Variants in PTPRU observed in about 807,000 individuals in gnomAD.
PTPRU encodes the protein protein tyrosine phosphatase receptor type U.
PTPRU carries 69 observed loss-of-function variants against 166.3 expected under a neutral mutation model. The ratio of observed to expected loss-of-function variants is 0.41; its 90% CI spans 0.34 to 0.51. The LOEUF (loss-of-function observed/expected upper bound fraction) is 0.51. PTPRU is among the 20% of genes least tolerant of loss of function. The pLI is 0.09. For missense variants in PTPRU, 1,657 were observed against 2,013.7 expected, an observed-to-expected ratio of 0.82 and a Z score of 3.39; for synonymous variants, 793 against 814.0, an observed-to-expected ratio of 0.97 and a Z score of 0.44.
At position 29,311,859 on chromosome 1, in the gene PTPRU, G is replaced by T; in HGVS notation, c.3072+100G>T. ...CCCTGGGAGCAGGAGGGTGAGGAGC[G>T]CACCACTGCCCATCCCAGCAAGGAA... On this transcript the variant is annotated intron_variant, in intron 21 of 29. Transcript: ENST00000373779. The surrounding 1 kb of genome is among the most constrained non-coding windows in gnomAD (Gnocchi z 4.1). 8.6e-7 allele frequency: 1 copy of T among 1,166,980 alleles called. No homozygotes were observed. The highest frequency in any genetic ancestry group is 1.4e-5 in the South Asian group (1 of 71,262). 72.3% of individuals were successfully genotyped at this position (1,166,980 alleles called of 1,614,324 possible). A position where few individuals can be genotyped will look rare whatever the true frequency, so the allele number is the denominator to read the frequency against.
chr1:29,268,517 A>G (rs1481647085), intron 7 of PTPRU, among the ~76,000 whole-genome samples: 1 of 152,234 alleles, frequency 6.6e-6, no homozygotes, highest in East Asian at 1.9e-4. Context: ...CATAGTGCTG[A>G]GGTTGAGAAT....
rs1442770263 is a variant in PTPRU at position 29,238,186 on chromosome 1, G to C, written c.73+1469G>C. Among the ~76,000 whole-genome samples the C allele has an allele frequency of 6.6e-6, 1 of 151,734 alleles. No individual in the cohort carries two copies. The highest frequency in any genetic ancestry group is 1.9e-4 in the East Asian group (1 of 5,140). On this transcript the variant is annotated intron_variant, in intron 1 of 29. Transcript: ENST00000373779. This position sits in a 1 kb window ranked among gnomAD's most constrained non-coding sequence, Gnocchi z 6.1. ...GGTGTGCGTGCGCGTGTGTGTGTGC[G>C]CGCAGCTGAATGTATGTATACGGAG...
chr1:29,269,015 C>A (rs1685420727), intron 7 of PTPRU, among the ~76,000 whole-genome samples: 2 of 151,972 alleles, frequency 1.3e-5, no homozygotes, highest in African/African-American at 4.8e-5. Flanking sequence ...CTTGATTTCT[C>A]ATCCAGTGTT....
intron 1 of PTPRU, among the ~76,000 whole-genome samples, chr1:29,245,744 T>C (rs1358583148): frequency 6.6e-6 from 1 of 152,200 alleles, no homozygotes; most frequent in African/African-American, 2.4e-5. Flanking sequence ...TGGATGTCAG[T>C]GTTGCATTGG....
intron 15 of PTPRU, among the ~76,000 whole-genome samples, chr1:29,302,066 A>C (rs1176029136): frequency 6.6e-6 from 1 of 151,954 alleles, no homozygotes; most frequent in East Asian, 1.9e-4. Context: ...TATTGCCCCT[A>C]AAGACCTCCC....
intron 7 of PTPRU, among the ~76,000 whole-genome samples, chr1:29,272,365 T>C (rs1574642853): frequency 6.6e-6 from 1 of 152,108 alleles, no homozygotes; most frequent in Admixed American, 6.5e-5. Flanking sequence ...AGGCAGGCTT[T>C]GTTCCTAGTG....
chr1:29,263,411 C>G (rs1231858788), intron 7 of PTPRU, among the ~76,000 whole-genome samples: 2 of 152,170 alleles, frequency 1.3e-5, no homozygotes, highest in Non-Finnish European at 2.9e-5. Flanking sequence ...TGTCATTCAT[C>G]AGTTGATGGA....
In PTPRU at chr1:29,238,585, A is replaced by T. The variant is rs987756992; in HGVS notation, c.73+1868A>T. ...CCAGCGTTCGCGCCGGCCACTGGCC[A>T]GCGCTTGGGCCTCGCCCTGCAGCTC... On this transcript the variant is annotated intron_variant, in intron 1 of 29. Coordinates refer to ENST00000373779, the MANE Select transcript of PTPRU (RefSeq NM_133178.4). The surrounding 1 kb of genome is among the most constrained non-coding windows in gnomAD (Gnocchi z 6.1). Among the ~76,000 whole-genome samples the T allele has an allele frequency of 6.6e-6, 1 of 152,164 alleles. No homozygotes were observed. The highest frequency in any genetic ancestry group is 2.4e-5 in the African/African-American group (1 of 41,442).
chr1:29,279,394 G>T lies in PTPRU; in HGVS notation c.1564-62G>T. ...ACTTCCCTGGGACATGGTGGGTGGA[G>T]GCTGCTGGTCAGGGATGCTCTGACC... On this transcript the variant is annotated intron_variant, in intron 9 of 29. Transcript: ENST00000373779. The surrounding 1 kb of genome is among the most constrained non-coding windows in gnomAD (Gnocchi z 5.2). The T allele has an allele frequency of 6.6e-7, 1 of 1,519,540 alleles. No homozygotes were observed. Among genetic ancestry groups the T allele is most frequent in the Non-Finnish European group, 9.1e-7 (1 of 1,095,404 alleles). 94.1% of individuals were successfully genotyped at this position (1,519,540 alleles called of 1,614,324 possible).
intron 25 of PTPRU, among the ~76,000 whole-genome samples, chr1:29,318,986 C>T (rs1688026230): frequency 6.6e-6 from 1 of 152,200 alleles, no homozygotes; most frequent in African/African-American, 2.4e-5. Flanking sequence ...CTTGGCAGGA[C>T]AGTGCGGGGG....
intron 7 of PTPRU, among the ~76,000 whole-genome samples, chr1:29,274,990 C>T (rs926845456): frequency 6.8e-6 from 1 of 147,622 alleles, no homozygotes; most frequent in Non-Finnish European, 1.5e-5. Context: ...GCAGAGGTTG[C>T]AGTGAGCCTA....
intron 7 of PTPRU, among the ~76,000 whole-genome samples, chr1:29,265,620 C>T (rs1045028542): frequency 2.0e-5 from 3 of 152,142 alleles, no homozygotes; most frequent in Non-Finnish European, 4.4e-5. Context: ...GCCTCAGCCT[C>T]CCAAAATGCT....
At chr1:29,255,832 A>G (rs1478424109) in intron 2 of PTPRU, among the ~76,000 whole-genome samples, 1 of 152,022 alleles carries the variant, frequency 6.6e-6, no homozygotes, top group Non-Finnish European at 1.5e-5. Context: ...TGTGTATAAA[A>G]CCTTCCTTCC....
chr1:29,319,018 G>C (rs1290481703), intron 25 of PTPRU, among the ~76,000 whole-genome samples: 1 of 152,146 alleles, frequency 6.6e-6, no homozygotes, highest in Non-Finnish European at 1.5e-5. Context: ...TCTTTAAAGA[G>C]GGTAACCACC....
Position 29,303,909 on chromosome 1 carries a change from C to T in PTPRU, c.2531C>T (p.Pro844Leu), listed in dbSNP as rs559788899. 37 of 1,613,770 alleles carry T rather than the reference C, an allele frequency of 2.3e-5. No individual in the cohort carries two copies. Among genetic ancestry groups the T allele is most frequent in the African/African-American group, 4.0e-5 (3 of 75,050 alleles). Residue 844 changes from proline (P) to leucine (L), a missense_variant, in exon 16 of 30, where the codon CCG becomes CTG. By Grantham distance (98) the Pro-to-Leu change is moderately conservative. Transcript: ENST00000373779. ...TEASSLLGGS[P>L]RRPCGRKGSP... is the part of the protein sequence containing the mutation. ...GCCAGCAGCCTCCTGGGGGGCTCCC[C>T]GAGGCGTCCCTGTGGCCGGAAGGGC...
chr1:29,286,936 C>T (rs1384443517), intron 14 of PTPRU, among the ~76,000 whole-genome samples: 1 of 152,196 alleles, frequency 6.6e-6, no homozygotes, highest in Non-Finnish European at 1.5e-5. Flanking sequence ...ACTGCATGCC[C>T]CTGGATCTGA....
In PTPRU at chr1:29,311,336, GC is replaced by G; in HGVS notation, c.2858-115del. 1 of 881,818 alleles carries G rather than the reference GC, an allele frequency of 1.1e-6. No individual in the cohort carries two copies. The highest frequency in any genetic ancestry group is 1.8e-6 in the Non-Finnish European group (1 of 566,808). 54.6% of individuals were successfully genotyped at this position (881,818 alleles called of 1,614,324 possible). ...AGCTGGGTGTTGTGGGCAGCATGAAGCCCCCGTTGGGGCTCAGGAGGCCTCC... is the reference window on the plus strand; with the variant it reads ...AGCTGGGTGTTGTGGGCAGCATGAAGCCCCGTTGGGGCTCAGGAGGCCTCC... On this transcript the variant is annotated intron_variant, in intron 19 of 29. Transcript: ENST00000373779. The surrounding 1 kb of genome is among the most constrained non-coding windows in gnomAD (Gnocchi z 4.1).
chr1:29,288,564 T>C (rs1461962731), intron 14 of PTPRU, among the ~76,000 whole-genome samples: 4 of 152,106 alleles, frequency 2.6e-5, no homozygotes, highest in African/African-American at 4.8e-5. Context: ...CTCCCCTCTC[T>C]CCCTGGGATG....
At chr1:29,313,907 C>T (rs551548452) in intron 22 of PTPRU, among the ~76,000 whole-genome samples, 1 of 152,198 alleles carries the variant, frequency 6.6e-6, no homozygotes, top group South Asian at 2.1e-4. Flanking sequence ...TGAACAGTTC[C>T]CAGAAGCCCC....
Sources: allele counts gnomAD v4.1 joint callset (sites outside exome capture counted in the v4.1 genomes callset), GRCh38; gene constraint gnomAD v4.1.1; non-coding constraint Gnocchi (gnomAD v3.1); transcripts MANE v1.5; gene names NCBI Gene and HGNC (gene_info 2026-07-23, HGNC 2026-07-21).